The following GCNT2 variants were observed in gnomAD, a reference collection of about 807,000 sequenced individuals.
GCNT2 encodes N-acetyllactosaminide beta-1,6-N-acetylglucosaminyl-transferase.
In GCNT2, 34 loss-of-function variants were observed where a neutral mutation model predicts 34.2. That is an observed-to-expected ratio of 1.00 (90% CI 0.76 to 1.32). The LOEUF (loss-of-function observed/expected upper bound fraction) is 1.32. Among genes scored for constraint, GCNT2 ranks in the 40% most tolerant of loss-of-function variants. The pLI, the probability that GCNT2 is intolerant of heterozygous loss-of-function variation, is 0.00. For missense variants in GCNT2, 584 were observed against 489.4 expected (o/e 1.19, Z -1.82); for synonymous variants, 212 against 188.0 (o/e 1.13, Z -1.04).
In GCNT2 at chr6:10,528,625, G is replaced by T; in HGVS notation, c.-281-6G>T. The T allele has an allele frequency of 2.1e-6, 1 of 480,112 alleles. No individual in the cohort carries two copies. Among genetic ancestry groups the T allele is most frequent in the Non-Finnish European group, 3.8e-6 (1 of 263,220 alleles). The allele number at this position is 480,112 out of a possible 1,614,324, so 29.7% of individuals were successfully genotyped here. A position where few individuals can be genotyped will look rare whatever the true frequency, so the allele number is the denominator to read the frequency against. On this transcript the variant is annotated splice_region_variant and splice_polypyrimidine_tract_variant and intron_variant, in intron 2 of 4. Transcript: ENST00000495262. ...AACCTCTCTGAGGACATCTGTTTTTGTGTAGACACAGGTTGCAGGTTAGCA... is the reference window on the plus strand; with the variant it reads ...AACCTCTCTGAGGACATCTGTTTTTTTGTAGACACAGGTTGCAGGTTAGCA...
rs1168363715 is a variant in GCNT2 at position 10,626,985 on chromosome 6, A to C, written c.*378A>C. The C allele has an allele frequency of 9.4e-6, 2 of 211,658 alleles. No homozygotes were observed. Among genetic ancestry groups the C allele is most frequent in the East Asian group, 2.2e-4 (2 of 9,034 alleles). The allele number at this position is 211,658 out of a possible 1,614,324, so 13.1% of individuals were successfully genotyped here. A position where few individuals can be genotyped will look rare whatever the true frequency, so the allele number is the denominator to read the frequency against. ...AATACTGTCTAGGAAAATAAGAATT[A>C]GGTTTCTTTGAAGAAGGAATCTTTT... is the stretch of plus-strand genomic sequence containing the variant. On this transcript the variant is annotated 3_prime_UTR_variant, in exon 5 of 5. Transcript: ENST00000495262.
At chr6:10,533,136 T>C (rs1229697932) in intron 3 of GCNT2, among the ~76,000 whole-genome samples, 1 of 149,628 alleles carries the variant, frequency 6.7e-6, no homozygotes, top group South Asian at 2.1e-4. Flanking sequence ...GTGAAACCTA[T>C]CTCTACTAAA....
chr6:10,537,723 A>AC (rs1761836519), intron 3 of GCNT2, among the ~76,000 whole-genome samples: 1 of 131,464 alleles, frequency 7.6e-6, no homozygotes, highest in Non-Finnish European at 1.7e-5. Context: ...AAAAAAAAAA[A>AC]AAACAAAACA....
chr6:10,538,925 T>C (rs1761909983), intron 3 of GCNT2, among the ~76,000 whole-genome samples: 1 of 152,150 alleles, frequency 6.6e-6, no homozygotes, highest in African/African-American at 2.4e-5. Flanking sequence ...TGGGGACCTA[T>C]CTTAATTTTA....
At chr6:10,556,089 C>A (rs1317278024) in intron 3 of GCNT2, 56 of 1,209,350 alleles carry the variant, frequency 4.6e-5, no homozygotes, top group Non-Finnish European at 4.3e-5. Context: ...GAAACTAAAT[C>A]TGCCGGGGGA....
At chr6:10,609,310 G>T (rs891559287) in intron 3 of GCNT2, among the ~76,000 whole-genome samples, 3 of 152,182 alleles carry the variant, frequency 2.0e-5, no homozygotes, top group Admixed American at 2.0e-4. Context: ...AAGTGGAAGG[G>T]CAAGAGAGCA....
At chr6:10,608,641 C>T (rs1467349055) in intron 3 of GCNT2, among the ~76,000 whole-genome samples, 6 of 152,174 alleles carry the variant, frequency 3.9e-5, no homozygotes, top group Admixed American at 3.9e-4. Flanking sequence ...CAAATCCAGC[C>T]TGCGCAATAG....
chr6:10,586,378 A>G lies in GCNT2; in HGVS notation c.926-34973A>G, dbSNP rs147860726. On this transcript the variant is annotated intron_variant, in intron 3 of 4. Coordinates refer to ENST00000495262, the MANE Select transcript of GCNT2 (RefSeq NM_145649.5). ...AATGTCTACTGTGTTCACGTGGATGAGAAAGCCCCAGCTGAGTATAAGGAA... is the reference window on the plus strand; with the variant it reads ...AATGTCTACTGTGTTCACGTGGATGGGAAAGCCCCAGCTGAGTATAAGGAA... 163 of 1,614,178 alleles carry G rather than the reference A, an allele frequency of 1.0e-4. 1 individual carries two copies. The East Asian group carries it at 3.6e-3, about 36-fold the overall frequency.
chr6:10,532,413 G>A (rs560547540), intron 3 of GCNT2, among the ~76,000 whole-genome samples: 2 of 152,216 alleles, frequency 1.3e-5, no homozygotes, highest in Non-Finnish European at 2.9e-5. Context: ...CACTGCCGGA[G>A]GACCCTGACC....
At chr6:10,557,154 G>C in intron 3 of GCNT2, 1 of 1,549,568 alleles carries the variant, frequency 6.5e-7, no homozygotes, top group East Asian at 2.2e-5. Flanking sequence ...TATGTGATAA[G>C]AACAACAGCG....
At chr6:10,556,637 T>G in intron 3 of GCNT2, 1 of 1,614,156 alleles carries the variant, frequency 6.2e-7, no homozygotes, top group African/African-American at 1.3e-5. Flanking sequence ...GAAGTCTTCT[T>G]GCAAGGAATA....
intron 3 of GCNT2, among the ~76,000 whole-genome samples, chr6:10,587,642 G>T (rs1025118331): frequency 6.6e-6 from 1 of 152,182 alleles, no homozygotes; most frequent in African/African-American, 2.4e-5. Flanking sequence ...TGCAGTCTTT[G>T]GTTGTTTATG....
At chr6:10,596,658 T>G (rs895473624) in intron 3 of GCNT2, among the ~76,000 whole-genome samples, 2 of 152,080 alleles carry the variant, frequency 1.3e-5, no homozygotes, top group African/African-American at 4.8e-5. Context: ...GTACACTGTT[T>G]CCTGTGTATC....
intron 3 of GCNT2, among the ~76,000 whole-genome samples, chr6:10,569,275 C>CACACACACCCA (rs1491437125): frequency 3.9e-5 from 4 of 101,332 alleles, no homozygotes; most frequent in Admixed American, 1.1e-4. Context: ...ACACACACAC[C>CACACACACCCA]CCCTAGGTAA....
intron 3 of GCNT2, among the ~76,000 whole-genome samples, chr6:10,551,181 C>G (rs912899576): frequency 6.6e-6 from 1 of 152,124 alleles, no homozygotes; most frequent in African/African-American, 2.4e-5. Flanking sequence ...TAGCCACATG[C>G]GCCTTAACAT....
intron 3 of GCNT2, among the ~76,000 whole-genome samples, chr6:10,612,430 C>G (rs1765599072): frequency 1.3e-5 from 2 of 152,116 alleles, no homozygotes; most frequent in Admixed American, 6.6e-5. Flanking sequence ...TGGGAAGAGA[C>G]TGGGAACACT....
rs1444143290 is a variant in GCNT2 at position 10,621,383 on chromosome 6, A to G, written c.958A>G (p.Thr320Ala). The G allele has an allele frequency of 6.2e-7, 1 of 1,613,404 alleles. No individual in the cohort carries two copies. The highest frequency in any genetic ancestry group is 1.3e-5 in the African/African-American group (1 of 74,912). Reference sequence around the variant, plus strand: ...TGGCTCTATGCCAAATGCATCCTGGACTGGAAACCTCAGAGCTATAAAGTG... The same window carrying G: ...TGGCTCTATGCCAAATGCATCCTGGGCTGGAAACCTCAGAGCTATAAAGTG... ...VPGSMPNASWTGNLRAIKWSD... is the reference protein window; with the variant it reads ...VPGSMPNASWAGNLRAIKWSD... The change falls in exon 4 of 5, where the codon ACT (threonine) becomes GCT (alanine). Residue 320 changes from threonine (T) to alanine (A), a missense_variant. By Grantham distance (58) the Thr-to-Ala change is moderately conservative. Transcript: ENST00000495262.
intron 3 of GCNT2, among the ~76,000 whole-genome samples, chr6:10,548,429 A>G (rs1762353772): frequency 6.6e-6 from 1 of 152,188 alleles, no homozygotes; most frequent in Admixed American, 6.5e-5. Context: ...TGGGTCAGCC[A>G]TTGCTACCTG....
chr6:10,537,252 C>A (rs1170866534), intron 3 of GCNT2, among the ~76,000 whole-genome samples: 1 of 152,214 alleles, frequency 6.6e-6, no homozygotes, highest in Non-Finnish European at 1.5e-5. Flanking sequence ...CTTCACTGAT[C>A]ACTGAGTTTG....
Sources: gnomAD v4.1 joint callset for allele counts (sites outside exome capture counted in the v4.1 genomes callset) on GRCh38, gnomAD v4.1.1 for gene constraint, MANE v1.5 for transcripts, NCBI Gene and HGNC (gene_info 2026-07-23, HGNC 2026-07-21) for gene names.